The following PAPPA variants were observed in gnomAD, a reference collection of about 807,000 sequenced individuals.
PAPPA encodes the protein pappalysin-1.
PAPPA carries 60 observed loss-of-function variants against 164.0 expected under a neutral mutation model. That is an observed-to-expected ratio of 0.37 (90% CI 0.30 to 0.45). PAPPA has a LOEUF of 0.45. PAPPA is among the 20% of genes least tolerant of loss of function. The probability of loss-of-function intolerance (pLI) is 1.00; values close to 1 mark genes in which losing one functional copy is unlikely to be tolerated. For missense variants in PAPPA, 1,782 were observed against 2,087.3 expected, an observed-to-expected ratio of 0.85 and a Z score of 2.85; for synonymous variants, 875 against 814.1, an observed-to-expected ratio of 1.07 and a Z score of -1.27.
chr9:116,216,290 G>A (rs567439183), intron 4 of PAPPA, among the ~76,000 whole-genome samples: 2 of 152,090 alleles, frequency 1.3e-5, no homozygotes, highest in African/African-American at 4.8e-5. Context: ...TGTGGCTGAC[G>A]GGGGGTCAGC....
At chr9:116,182,983 C>T (rs764643039) in intron 1 of PAPPA, among the ~76,000 whole-genome samples, 30 of 152,160 alleles carry the variant, frequency 2.0e-4, no homozygotes, top group Admixed American at 1.1e-3. Flanking sequence ...GACAGACATA[C>T]GCTAATTATA....
chr9:116,246,293 C>T (rs1844795992), intron 7 of PAPPA, among the ~76,000 whole-genome samples: 1 of 152,154 alleles, frequency 6.6e-6, no homozygotes, highest in African/African-American at 2.4e-5. Context: ...AACGGGCCCA[C>T]ATACACCCAG....
rs762101758 is a variant in PAPPA at position 116,352,715 on chromosome 9, G to C, written c.3974G>C (p.Ser1325Thr). 3.1e-6 allele frequency: 5 copies of C among 1,612,338 alleles called. No individual in the cohort carries two copies. In the Admixed American group the frequency reaches 6.7e-5, roughly 21 times the overall value. ...TGCCTATGTCTTCCAGGCAACAACA[G>C]CCTCCTGACCTGCATGGAGGATGGG... ...RHPAQLKGNN[S>T]LLTCMEDGLW... The change falls in exon 16 of 22, where the codon AGC becomes ACC. Residue 1325 changes from serine (S) to threonine (T), a missense_variant. Transcript: ENST00000328252.
rs530097660 is a variant in PAPPA at position 116,260,293 on chromosome 9, A to C, written c.2733-5564A>C. ...ACAAAGCTGTATAGTAAGCCTATGA[A>C]AATTTGTTATAGTATAGTCTGTACT... is the stretch of plus-strand genomic sequence containing the variant. On this transcript the variant is annotated intron_variant, in intron 7 of 21. Transcript: ENST00000328252. 5.3e-5 allele frequency among the ~76,000 whole-genome samples: 8 copies of C among 152,336 alleles called. 1 individual carries two copies. The South Asian group carries it at 1.4e-3, about 28-fold the overall frequency.
chr9:116,172,175 A>T (rs1355938005), intron 1 of PAPPA, among the ~76,000 whole-genome samples: 1 of 152,188 alleles, frequency 6.6e-6, no homozygotes, highest in Non-Finnish European at 1.5e-5. Context: ...CAGATGAAAG[A>T]TGAGGAATGT....
chr9:116,156,306 G>GTGTGTATATATATATGTGTA (rs1843601791), intron 1 of PAPPA, among the ~76,000 whole-genome samples: 3 of 121,184 alleles, frequency 2.5e-5, no homozygotes, highest in African/African-American at 9.6e-5. Flanking sequence ...ATATATACAT[G>GTGTGTATATATATATGTGTA]TATATATATG....
At chr9:116,299,159 A>G (rs1845547657) in intron 9 of PAPPA, among the ~76,000 whole-genome samples, 1 of 152,150 alleles carries the variant, frequency 6.6e-6, no homozygotes, top group Admixed American at 6.6e-5. Context: ...GTGTCCAAGG[A>G]TGTTATTTTA....
Position 116,187,093 on chromosome 9 carries a change from C to A in PAPPA, c.416-61C>A. 8.1e-7 allele frequency: 1 copy of A among 1,229,236 alleles called. No homozygotes were observed. The highest frequency in any genetic ancestry group is 1.2e-6 in the Non-Finnish European group (1 of 852,716). 76.1% of individuals were successfully genotyped at this position (1,229,236 alleles called of 1,614,324 possible). On this transcript the variant is annotated intron_variant, in intron 1 of 21. Coordinates refer to ENST00000328252, the MANE Select transcript of PAPPA (RefSeq NM_002581.5). This position sits in a 1 kb window ranked among gnomAD's most constrained non-coding sequence, Gnocchi z 4.2. Reference sequence around the variant, plus strand: ...TACAAATTTTATTAGAGAAAAATAACTTAACCCCCCCTCCTTTTCCATCCT... The same window carrying A: ...TACAAATTTTATTAGAGAAAAATAAATTAACCCCCCCTCCTTTTCCATCCT...
rs574875539 is a variant in PAPPA, at chr9:116,362,475, T to C, written c.4348-117T>C. On this transcript the variant is annotated intron_variant, in intron 17 of 21. Transcript: ENST00000328252. The stretch of plus-strand genomic sequence containing the variant: ...TTTCAACCATTGTTAAGAAATTGTT[T>C]TGGAACACTTCAGAGCTCTGGAGAG... 4.6e-6 allele frequency: 5 copies of C among 1,078,322 alleles called. No homozygotes were observed. In the African/African-American group the frequency reaches 8.0e-5, roughly 17 times the overall value. The allele number at this position is 1,078,322 out of a possible 1,614,324, so 66.8% of individuals were successfully genotyped here.
chr9:116,179,419 G>A (rs561937100), intron 1 of PAPPA, among the ~76,000 whole-genome samples: 2 of 152,296 alleles, frequency 1.3e-5, no homozygotes, highest in East Asian at 3.9e-4. Flanking sequence ...ACCCTGACTT[G>A]GAGAATTGTT....
intron 15 of PAPPA, among the ~76,000 whole-genome samples, chr9:116,351,651 C>T (rs943122930): frequency 1.3e-5 from 2 of 152,144 alleles, no homozygotes; most frequent in Admixed American, 6.6e-5. Flanking sequence ...TTGTCTTTTG[C>T]CAACTATGAT....
chr9:116,290,432 C>G (rs1221534923), intron 9 of PAPPA, among the ~76,000 whole-genome samples: 1 of 151,352 alleles, frequency 6.6e-6, no homozygotes, highest in African/African-American at 2.4e-5. Flanking sequence ...GGCAAAATGT[C>G]AAGAACCAAA....
chr9:116,217,568 A>G (rs767475830), intron 4 of PAPPA, among the ~76,000 whole-genome samples: 15 of 152,174 alleles, frequency 9.9e-5, no homozygotes, highest in Non-Finnish European at 1.6e-4. Flanking sequence ...TTGTTAGATC[A>G]AAGAGAATGC....
intron 4 of PAPPA, 76 bp downstream of exon 4, chr9:116,212,008 T>G: frequency 7.7e-7 from 1 of 1,296,476 alleles, no homozygotes; most frequent in South Asian, 1.3e-5. Context: ...AGGGGAACCT[T>G]GAACAAGCTA....
intron 9 of PAPPA, among the ~76,000 whole-genome samples, chr9:116,289,115 CATATACAT>C (rs1165885019): frequency 2.9e-5 from 1 of 34,672 alleles, no homozygotes; most frequent in Non-Finnish European, 5.2e-5. Context: ...AATAGATATG[CATATACAT>C]ATATATATAT....
chr9:116,248,480 A>T (rs1007521537), intron 7 of PAPPA, among the ~76,000 whole-genome samples: 2 of 152,176 alleles, frequency 1.3e-5, no homozygotes, highest in Non-Finnish European at 2.9e-5. Flanking sequence ...AGCAGGTTAC[A>T]TGTCATGTTG....
intron 13 of PAPPA, among the ~76,000 whole-genome samples, chr9:116,340,116 AG>A (rs1846115216): frequency 6.6e-6 from 1 of 152,186 alleles, no homozygotes; most frequent in Non-Finnish European, 1.5e-5. Flanking sequence ...CTCCCTTCAA[AG>A]AAGTGTCTTC....
chr9:116,376,057 T>C (rs1025511974), intron 19 of PAPPA, among the ~76,000 whole-genome samples: 4 of 146,950 alleles, frequency 2.7e-5, no homozygotes, highest in East Asian at 2.0e-4. Context: ...AGTCTCGCTC[T>C]GTCGCCAGGC....
intron 7 of PAPPA, among the ~76,000 whole-genome samples, chr9:116,244,940 A>T (rs989094757): frequency 1.3e-5 from 2 of 152,230 alleles, no homozygotes; most frequent in Admixed American, 1.3e-4. Context: ...TGGGATAAAG[A>T]AAACGAGGTA....
Sources: gnomAD v4.1 joint callset for allele counts (sites outside exome capture counted in the v4.1 genomes callset) on GRCh38, gnomAD v4.1.1 for gene constraint, Gnocchi (gnomAD v3.1) non-coding constraint, MANE v1.5 for transcripts, NCBI Gene and HGNC (gene_info 2026-07-23, HGNC 2026-07-21) for gene names.